GNG2: variants seen among roughly 807,000 people sequenced by gnomAD.
GNG2 encodes the protein G protein subunit gamma 2, also known as guanine nucleotide-binding protein G(I)/G(S)/G(O) subunit gamma-2.
GNG2 carries 5 observed loss-of-function variants against 5.5 expected under a neutral mutation model. The ratio of observed to expected loss-of-function variants is 0.91; its 90% CI spans 0.48 to 1.92. GNG2 has a LOEUF of 1.92. Ranked by LOEUF, GNG2 falls within the 30% of genes most tolerant of loss-of-function variation. The pLI is 0.01. For synonymous variants in GNG2, 28 were observed against 32.0 expected (o/e 0.88, Z 0.42); for missense variants, 55 against 88.4 (o/e 0.62, Z 1.52).
At chr14:51,888,385 C>T (rs1390359432) in intron 2 of GNG2, among the ~76,000 whole-genome samples, 2 of 152,128 alleles carry the variant, frequency 1.3e-5, no homozygotes, top group African/African-American at 4.8e-5. Flanking sequence ...GTGACATGAT[C>T]ATAGCTCACT....
chr14:51,861,531 T>C (rs1882479743), intron 1 of GNG2: 1 of 152,198 alleles, frequency 6.6e-6, no homozygotes, highest in African/African-American at 2.4e-5. Context: ...TCAAGGTGCA[T>C]GTTAGCCTCG....
chr14:51,849,112 T>A (rs1881786430), intron 2 of GNG2, among the ~76,000 whole-genome samples: 1 of 152,190 alleles, frequency 6.6e-6, no homozygotes, highest in Admixed American at 6.5e-5. Flanking sequence ...ACAGTCAAAA[T>A]GTCAGTTGTT....
intron 2 of GNG2, among the ~76,000 whole-genome samples, chr14:51,930,244 A>G (rs1887578058): frequency 6.6e-6 from 1 of 152,220 alleles, no homozygotes; most frequent in South Asian, 2.1e-4. Flanking sequence ...TATTCCAGTG[A>G]CAAAAAAGCC....
intron 2 of GNG2, among the ~76,000 whole-genome samples, chr14:51,902,429 G>A (rs932528727): frequency 1.3e-5 from 2 of 152,326 alleles, no homozygotes; most frequent in Non-Finnish European, 2.9e-5. Flanking sequence ...CAGGGACAGT[G>A]TCTGACACAG....
chr14:51,853,183 A>G (rs189601034), intron 2 of GNG2, among the ~76,000 whole-genome samples: 30 of 152,312 alleles, frequency 2.0e-4, no homozygotes, highest in African/African-American at 7.2e-4. Context: ...ATAGGACCTA[A>G]TTGTTTATAT....
intron 2 of GNG2, among the ~76,000 whole-genome samples, chr14:51,833,667 A>C (rs1881257087): frequency 6.6e-6 from 1 of 152,234 alleles, no homozygotes; most frequent in Admixed American, 6.5e-5. Context: ...GGAGTAACAG[A>C]TATAATAGAA....
chr14:51,841,652 G>A (rs1307540843), intron 2 of GNG2: 2 of 663,200 alleles, frequency 3.0e-6, no homozygotes, highest in African/African-American at 3.6e-5. Flanking sequence ...AAACATTAAG[G>A]CACATGAAAA....
intron 2 of GNG2, among the ~76,000 whole-genome samples, chr14:51,904,444 A>G (rs1467940965): frequency 6.6e-6 from 1 of 152,228 alleles, no homozygotes; most frequent in African/African-American, 2.4e-5. Flanking sequence ...AGGATGTGTT[A>G]GAATTCTTTA....
At chr14:51,838,633 C>T (rs977016120) in intron 2 of GNG2, among the ~76,000 whole-genome samples, 1 of 152,120 alleles carries the variant, frequency 6.6e-6, no homozygotes, top group Non-Finnish European at 1.5e-5. Context: ...TATTGAGATA[C>T]AGCATTCATA....
chr14:51,857,712 G>A (rs1329264133), upstream of GNG2, among the ~76,000 whole-genome samples: 1 of 152,164 alleles, frequency 6.6e-6, no homozygotes, highest in Non-Finnish European at 1.5e-5. Context: ...GTGGTGAGAA[G>A]GAAAGGAAGA....
At chr14:51,856,575 G>A (rs930665137), upstream of GNG2, among the ~76,000 whole-genome samples, 1 of 152,138 alleles carries the variant, frequency 6.6e-6, no homozygotes, top group Admixed American at 6.5e-5. Context: ...TGGGACTACA[G>A]GCGTGCACCA....
intron 2 of GNG2, among the ~76,000 whole-genome samples, chr14:51,848,991 A>G (rs544692992): frequency 6.6e-6 from 1 of 152,352 alleles, no homozygotes; most frequent in South Asian, 2.1e-4. Context: ...AATGATCCCC[A>G]AAACAGCGGT....
chr14:51,926,625 G>A (rs1373854609), intron 2 of GNG2, among the ~76,000 whole-genome samples: 1 of 152,160 alleles, frequency 6.6e-6, no homozygotes, highest in African/African-American at 2.4e-5. Flanking sequence ...TGCACGCTGG[G>A]GTGGAGCCTC....
chr14:51,892,536 T>C (rs55735601), intron 2 of GNG2, among the ~76,000 whole-genome samples: 48,845 of 152,102 alleles, frequency 0.32, 8,453 homozygotes, highest in Non-Finnish European at 0.4. Context: ...TCACTTCAAG[T>C]GATCCTCCAA....
At chr14:51,925,745 G>A (rs77630584) in intron 2 of GNG2, among the ~76,000 whole-genome samples, 11,643 of 152,036 alleles carry the variant, frequency 0.077, 805 homozygotes, top group East Asian at 0.32. Context: ...CTGAGCAGCT[G>A]GGATTATAGG....
intron 2 of GNG2, among the ~76,000 whole-genome samples, chr14:51,929,426 C>T (rs763404664): frequency 6.6e-6 from 1 of 152,188 alleles, no homozygotes; most frequent in Non-Finnish European, 1.5e-5. Flanking sequence ...CACTAAGCAG[C>T]CTTTCAGGAC....
chr14:51,863,976 G>A (rs1333808825), intron 1 of GNG2, among the ~76,000 whole-genome samples: 3 of 152,114 alleles, frequency 2.0e-5, no homozygotes, highest in South Asian at 2.1e-4. Flanking sequence ...CTATGAACAC[G>A]GGTGTACAAA....
intron 1 of GNG2, among the ~76,000 whole-genome samples, chr14:51,876,562 G>A (rs1265632661): frequency 6.6e-6 from 1 of 151,710 alleles, no homozygotes; most frequent in African/African-American, 2.4e-5. Context: ...CCTAGTCTTT[G>A]TTACCCAAGG....
At chr14:51,869,477 G>A (rs1883156762) in intron 1 of GNG2, among the ~76,000 whole-genome samples, 1 of 152,098 alleles carries the variant, frequency 6.6e-6, no homozygotes, top group Admixed American at 6.6e-5. Context: ...ATTTCAATAC[G>A]TAGAGGCATA....
Sources: gnomAD v4.1 joint callset for allele counts (sites outside exome capture counted in the v4.1 genomes callset) on GRCh38, gnomAD v4.1.1 for gene constraint, MANE v1.5 for transcripts, NCBI Gene and HGNC (gene_info 2026-07-23, HGNC 2026-07-21) for gene names.